Variants in CLIP2 observed in about 807,000 individuals in gnomAD.
CLIP2 encodes CAP-Gly domain-containing linker protein 2.
Under a neutral mutation model 111.7 loss-of-function variants are expected in CLIP2, and 41 were observed. The ratio of observed to expected loss-of-function variants is 0.37; its 90% confidence interval spans 0.29 to 0.48. CLIP2 has a LOEUF of 0.48. CLIP2 is among the 20% of genes least tolerant of loss of function. CLIP2 has a pLI of 0.99. For synonymous variants in CLIP2, 660 were observed against 644.2 expected (o/e 1.02, Z -0.37); for missense variants, 1,160 against 1,422.1 (o/e 0.82, Z 2.96).
intron 10 of CLIP2, among the ~76,000 whole-genome samples, chr7:74,378,364 G>T (rs549491731): frequency 6.6e-6 from 1 of 152,140 alleles, no homozygotes; most frequent in African/African-American, 2.4e-5. Context: ...CTGGGCTCAA[G>T]CTGTCTGCCC....
intron 1 of CLIP2, among the ~76,000 whole-genome samples, chr7:74,297,515 A>G (rs899104904): frequency 1.6e-4 from 24 of 152,022 alleles, no homozygotes; most frequent in Non-Finnish European, 3.4e-4. Context: ...AAACAAAAGC[A>G]GGGCCCCCCC....
In CLIP2 at chr7:74,404,904, G is replaced by C. The variant is rs1431151938; in HGVS notation, c.*1056G>C. 6.6e-6 allele frequency: 1 copy of C among 152,180 alleles called. No homozygotes were observed. The highest frequency in any genetic ancestry group is 1.5e-5 in the Non-Finnish European group (1 of 68,088). 9.4% of individuals were successfully genotyped at this position (152,180 alleles called of 1,614,324 possible). A position where few individuals can be genotyped will look rare whatever the true frequency, so the allele number is the denominator to read the frequency against. On this transcript the variant is annotated 3_prime_UTR_variant, in exon 17 of 17. Transcript: ENST00000223398. ...ACACATACTTGGTTTCTGGGACTGA[G>C]ACCCAGGCCTGGCAGGACCGTGCCT...
chr7:74,373,036 G>A lies in CLIP2; in HGVS notation c.1485G>A (p.Arg495=). 1 of 1,567,606 alleles carries A rather than the reference G, an allele frequency of 6.4e-7. No individual in the cohort carries two copies. Among genetic ancestry groups the A allele is most frequent in the Non-Finnish European group, 8.6e-7 (1 of 1,156,686 alleles). ...ERLLRELADN[R]LTTVAEKSRV... is the part of the protein sequence containing the mutation. ...TGCTCCGAGAATTAGCGGACAACAG[G>A]GTAACCGCGCCACCGCACCCGCCTG... is the stretch of plus-strand genomic sequence containing the variant. The change falls in exon 9 of 17, where the codon AGG becomes AGA. Residue 495 remains arginine, a splice_region_variant and synonymous_variant. Transcript: ENST00000223398.
chr7:74,393,553 C>G (rs1331201969), intron 13 of CLIP2, among the ~76,000 whole-genome samples: 2 of 151,880 alleles, frequency 1.3e-5, no homozygotes, highest in East Asian at 1.9e-4. Flanking sequence ...TCATGCTGGT[C>G]TCGAACTCCC....
At chr7:74,315,920 T>C (rs1286223968) in intron 1 of CLIP2, among the ~76,000 whole-genome samples, 1 of 150,870 alleles carries the variant, frequency 6.6e-6, no homozygotes, top group East Asian at 2.0e-4. Context: ...ATGTGCAGGA[T>C]GTGCAGGTTT....
At chr7:74,400,619 G>C in intron 15 of CLIP2, 64 bp downstream of exon 15, 1 of 1,421,094 alleles carries the variant, frequency 7.0e-7, no homozygotes, top group Non-Finnish European at 9.4e-7. Flanking sequence ...CGGAGCCCCC[G>C]TCTGATGCGG....
intron 3 of CLIP2, among the ~76,000 whole-genome samples, chr7:74,350,616 G>C (rs906125154): frequency 6.6e-6 from 1 of 152,040 alleles, no homozygotes; most frequent in African/African-American, 2.4e-5. Context: ...TGTAATTCCA[G>C]CACTCTGGGA....
rs149642071 is a variant in CLIP2, at chr7:74,400,489, G to A, written c.3000G>A (p.Ala1000=). Residue 1000 remains alanine, a synonymous_variant, in exon 15 of 17, where the codon GCG becomes GCA. Coordinates refer to ENST00000223398, the MANE Select transcript of CLIP2 (RefSeq NM_003388.5). ...LMSTEDALRD[A]LDQAQQVEKL... Reference sequence around the variant, plus strand: ...GCACGGAGGACGCCCTGCGGGATGCGCTGGACCAGGCTCAGCAGGTGGAGA... The same window carrying A: ...GCACGGAGGACGCCCTGCGGGATGCACTGGACCAGGCTCAGCAGGTGGAGA... The A allele has an allele frequency of 2.5e-5, 40 of 1,612,976 alleles. No homozygotes were observed. Among genetic ancestry groups the A allele is most frequent in the African/African-American group, 6.7e-5 (5 of 74,904 alleles).
chr7:74,400,027 C>T (rs114847003), intron 14 of CLIP2, among the ~76,000 whole-genome samples: 3,257 of 151,316 alleles, frequency 0.022, 115 homozygotes, highest in African/African-American at 0.074. Context: ...TGGTGGTGGG[C>T]CCCTCCCAGC....
intron 1 of CLIP2, among the ~76,000 whole-genome samples, chr7:74,309,645 G>A (rs896078969): frequency 3.3e-5 from 5 of 150,972 alleles, no homozygotes; most frequent in African/African-American, 9.8e-5. Context: ...ATCACCTGAG[G>A]TCAGGAGTTC....
At chr7:74,354,783 A>AAAAT (rs142758995) in intron 4 of CLIP2, among the ~76,000 whole-genome samples, 3,345 of 152,062 alleles carry the variant, frequency 0.022, 116 homozygotes, top group African/African-American at 0.076. Flanking sequence ...AAAATAATAA[A>AAAAT]AAATAAATAA....
chr7:74,360,376 C>A, intron 7 of CLIP2, 98 bp downstream of exon 7: 1 of 819,298 alleles, frequency 1.2e-6, no homozygotes, highest in Non-Finnish European at 2.0e-6. Context: ...TCCAGTCCTG[C>A]CCCTGTCACT....
chr7:74,317,652 G>C lies in CLIP2; in HGVS notation c.106G>C (p.Ala36Pro). 2 of 1,498,308 alleles carry C rather than the reference G, an allele frequency of 1.3e-6. No individual in the cohort carries two copies. The highest frequency in any genetic ancestry group is 2.8e-5 in the African/African-American group (2 of 70,592). The allele number at this position is 1,498,308 out of a possible 1,614,324, so 92.8% of individuals were successfully genotyped here. The stretch of plus-strand genomic sequence containing the variant: ...AGCTTCATCCTCGGCGGCGGTGGCC[G>C]CTAGCTCCAAGGAAGGTACGTGGCA... ...GSASSSAAVA[A>P]SSKEGSPLHK... Residue 36 changes from alanine to proline, a missense_variant, in exon 2 of 17, where the codon GCT (alanine) becomes CCT (proline). Ala to Pro is a conservative substitution (Grantham distance 27). Transcript: ENST00000223398.
chr7:74,382,278 C>T (rs373503684), intron 11 of CLIP2, among the ~76,000 whole-genome samples: 36 of 136,134 alleles, frequency 2.6e-4, no homozygotes, highest in East Asian at 4.4e-4. Context: ...TTAGTAGAGA[C>T]GGGGTTTCTC....
chr7:74,364,993 T>TTGTGTGTGTGTG (rs10600630), intron 8 of CLIP2: 18 of 264,912 alleles, frequency 6.8e-5, no homozygotes, highest in African/African-American at 1.2e-4. Context: ...CTGTTTTTTG[T>TTGTGTGTGTGTG]TGTGTGTGTG....
chr7:74,342,386 CAAAAA>C (rs3841503), intron 3 of CLIP2, among the ~76,000 whole-genome samples: 1 of 148,286 alleles, frequency 6.7e-6, no homozygotes, highest in Non-Finnish European at 1.5e-5. Flanking sequence ...AAAAAAAAAA[CAAAAA>C]AAAAGAAACT....
In CLIP2 at chr7:74,404,119, G is replaced by C; in HGVS notation, c.*271G>C. The C allele has an allele frequency of 2.1e-6, 1 of 480,004 alleles. No homozygotes were observed. Among genetic ancestry groups the C allele is most frequent in the Non-Finnish European group, 3.8e-6 (1 of 260,192 alleles). The allele number at this position is 480,004 out of a possible 1,614,324, so 29.7% of individuals were successfully genotyped here. A position where few individuals can be genotyped will look rare whatever the true frequency, so the allele number is the denominator to read the frequency against. On this transcript the variant is annotated 3_prime_UTR_variant, in exon 17 of 17. Coordinates refer to ENST00000223398, the MANE Select transcript of CLIP2 (RefSeq NM_003388.5). ...CAGCCTGGACACCCGGCAGCTTCTG[G>C]AGTTTGTCAGTGGAGGCAGAGGGGA... is the stretch of plus-strand genomic sequence containing the variant.
intron 2 of CLIP2, among the ~76,000 whole-genome samples, chr7:74,329,261 A>G (rs1789210097): frequency 6.6e-6 from 1 of 151,470 alleles, no homozygotes; most frequent in Non-Finnish European, 1.5e-5. Context: ...AAGTCTCGCT[A>G]TGTTGCCTCC....
intron 11 of CLIP2, among the ~76,000 whole-genome samples, chr7:74,381,228 C>T (rs1554313862): frequency 1.3e-5 from 2 of 151,970 alleles, no homozygotes; most frequent in African/African-American, 2.4e-5. Context: ...TTCGCTCTGT[C>T]GCCAGGCTGG....
Sources: gnomAD v4.1 joint callset for allele counts (sites outside exome capture counted in the v4.1 genomes callset) on GRCh38, gnomAD v4.1.1 for gene constraint, MANE v1.5 for transcripts, NCBI Gene and HGNC (gene_info 2026-07-23, HGNC 2026-07-21) for gene names.